The following FRMD6 variants were observed in gnomAD, a reference collection of about 807,000 sequenced individuals.
FRMD6 encodes FERM domain-containing protein 6.
In FRMD6, 37 loss-of-function variants were observed where a neutral mutation model predicts 73.2. The ratio of observed to expected loss-of-function variants is 0.51; its 90% CI spans 0.39 to 0.66. The LOEUF is 0.66. Among genes scored for constraint, FRMD6 ranks in the 30% least tolerant of loss-of-function variants. The probability of loss-of-function intolerance (pLI) is 0.00; values close to 1 mark genes in which losing one functional copy is unlikely to be tolerated. For synonymous variants in FRMD6, 273 were observed against 282.2 expected, an observed-to-expected ratio of 0.97 and a Z score of 0.33; for missense variants, 714 against 780.5, an observed-to-expected ratio of 0.91 and a Z score of 1.02.
Position 51,496,679 on chromosome 14 carries a change from G to A in FRMD6, c.-210+7259G>A, listed in dbSNP as rs545748185. Among the ~76,000 whole-genome samples, 5 of 152,224 alleles carry A rather than the reference G, an allele frequency of 3.3e-5. No homozygotes were observed. In the South Asian group the frequency reaches 8.3e-4, roughly 25 times the overall value. On this transcript the variant is annotated intron_variant, in intron 1 of 14. Transcript: ENST00000356218. The stretch of plus-strand genomic sequence containing the variant: ...AGGTTAGCTTAGATTAAGAGATGTG[G>A]GAATAAACTCTACCTCTTAATGAGA...
chr14:51,617,927 G>C (rs372889338), intron 2 of FRMD6, among the ~76,000 whole-genome samples: 89 of 152,126 alleles, frequency 5.9e-4, no homozygotes, highest in African/African-American at 2.1e-3. Context: ...TAAATGCATG[G>C]CAATAATGAT....
the FRMD6 span, among the ~76,000 whole-genome samples, chr14:51,456,098 T>A: frequency 3.3e-5 from 5 of 152,212 alleles, no homozygotes; most frequent in Non-Finnish European, 7.3e-5. Context: ...TGGGTGTTTG[T>A]TTCTGGCTGA....
At chr14:51,472,817 G>C in the FRMD6 span, among the ~76,000 whole-genome samples, 1 of 152,162 alleles carries the variant, frequency 6.6e-6, no homozygotes, top group Non-Finnish European at 1.5e-5. Context: ...CAAGCACTGA[G>C]GCGCCAGGAA....
the FRMD6 span, among the ~76,000 whole-genome samples, chr14:51,418,634 C>T: frequency 5.3e-5 from 8 of 152,316 alleles, no homozygotes; most frequent in African/African-American, 9.6e-5. Flanking sequence ...ACGGGGGTCA[C>T]GGACCCACTT....
chr14:51,409,800 T>A, the FRMD6 span, among the ~76,000 whole-genome samples: 5 of 152,146 alleles, frequency 3.3e-5, no homozygotes, highest in Admixed American at 3.3e-4. Flanking sequence ...GGCTTTGCCA[T>A]GTTGCCCAGG....
Position 51,722,482 on chromosome 14 carries a change from G to A in FRMD6, c.1492+402G>A, listed in dbSNP as rs117270023. Among the ~76,000 whole-genome samples the A allele has an allele frequency of 1.4e-4, 22 of 152,222 alleles. No homozygotes were observed. The East Asian group carries it at 4.2e-3, about 29-fold the overall frequency. On this transcript the variant is annotated intron_variant, in intron 12 of 13. Coordinates refer to ENST00000344768, the MANE Select transcript of FRMD6 (RefSeq NM_001267046.2). ...CCAACATGGCTAGAAACAGAAGTAG[G>A]CCTCCAGGTTTTTGGGGTTTTTTTG... is the stretch of plus-strand genomic sequence containing the variant.
the FRMD6 span, among the ~76,000 whole-genome samples, chr14:51,483,512 C>T: frequency 6.6e-6 from 1 of 152,158 alleles, no homozygotes; most frequent in Admixed American, 6.5e-5. Context: ...ACAGCCAGGG[C>T]AAAGTCTCTA....
chr14:51,690,181 T>C (rs566387421), intron 2 of FRMD6, among the ~76,000 whole-genome samples: 132 of 152,148 alleles, frequency 8.7e-4, no homozygotes, highest in Non-Finnish European at 1.5e-3. Flanking sequence ...AAAACAAACA[T>C]TTGCTATTTT....
In FRMD6 at chr14:51,528,315, A is replaced by G. The variant is rs546703057; in HGVS notation, c.-210+38895A>G. On this transcript the variant is annotated intron_variant, in intron 1 of 14. Transcript: ENST00000356218. ...CCCTCAGAGATCACCAAAATCAGTA[A>G]TACTACAATGTGAAGCACAAAGCAC... Among the ~76,000 whole-genome samples, 3 of 152,290 alleles carry G rather than the reference A, an allele frequency of 2.0e-5. No individual in the cohort carries two copies. In the South Asian group the frequency reaches 6.2e-4, roughly 32 times the overall value.
At chr14:51,433,749 T>C in the FRMD6 span, among the ~76,000 whole-genome samples, 3 of 152,330 alleles carry the variant, frequency 2.0e-5, no homozygotes, top group South Asian at 6.2e-4. Flanking sequence ...TTTCTGAATA[T>C]GCCTTTACTA....
intron 1 of FRMD6, among the ~76,000 whole-genome samples, chr14:51,653,309 A>C (rs565547109): frequency 6.6e-6 from 1 of 152,324 alleles, no homozygotes; most frequent in African/African-American, 2.4e-5. Flanking sequence ...CCCTCTTGCC[A>C]CAGGGTGTAG....
intron 2 of FRMD6, among the ~76,000 whole-genome samples, chr14:51,633,617 A>AC: frequency 6.7e-6 from 1 of 149,472 alleles, no homozygotes; most frequent in Non-Finnish European, 1.5e-5. Context: ...AAAAAAAAAA[A>AC]AAAAGAAATA....
At chr14:51,620,735 T>G (rs1474055054) in intron 2 of FRMD6, among the ~76,000 whole-genome samples, 1 of 152,178 alleles carries the variant, frequency 6.6e-6, no homozygotes, top group African/African-American at 2.4e-5. Context: ...TGGTAAGACA[T>G]GACAATGCAC....
chr14:51,397,302 G>A, the FRMD6 span, among the ~76,000 whole-genome samples: 11 of 152,304 alleles, frequency 7.2e-5, no homozygotes, highest in African/African-American at 2.6e-4. Context: ...TCCTTCACAG[G>A]GCACAGCTGC....
chr14:51,599,846 C>T (rs1889939963), intron 2 of FRMD6: 1 of 149,534 alleles, frequency 6.7e-6, no homozygotes, highest in Non-Finnish European at 1.5e-5. Flanking sequence ...CCTCTCACTT[C>T]TCTGTAAATG....
intron 2 of FRMD6, among the ~76,000 whole-genome samples, chr14:51,641,577 T>C (rs1891810964): frequency 1.3e-5 from 2 of 151,788 alleles, no homozygotes; most frequent in South Asian, 4.2e-4. Flanking sequence ...AGAAACTGAG[T>C]CCAAATATCT....
chr14:51,670,857 G>C (rs894533564), intron 1 of FRMD6, among the ~76,000 whole-genome samples: 2 of 152,134 alleles, frequency 1.3e-5, no homozygotes, highest in African/African-American at 4.8e-5. Flanking sequence ...ATGTTGGCCA[G>C]GCTGGTCTCG....
At chr14:51,700,036 T>C (rs1355164377) in intron 3 of FRMD6, among the ~76,000 whole-genome samples, 1 of 151,964 alleles carries the variant, frequency 6.6e-6, no homozygotes, top group African/African-American at 2.4e-5. Flanking sequence ...CTTCCTATTT[T>C]CTTCTGGCAT....
chr14:51,661,714 C>T (rs1458122471), intron 1 of FRMD6, among the ~76,000 whole-genome samples: 1 of 152,118 alleles, frequency 6.6e-6, no homozygotes, highest in Non-Finnish European at 1.5e-5. Context: ...GATTTAGCAA[C>T]CTGGGGAGTC....
Sources: gnomAD v4.1 joint callset for allele counts (sites outside exome capture counted in the v4.1 genomes callset) on GRCh38, gnomAD v4.1.1 for gene constraint, MANE v1.5 for transcripts, NCBI Gene and HGNC (gene_info 2026-07-23, HGNC 2026-07-21) for gene names.